The following JPH1 variants were observed in gnomAD, a reference collection of about 807,000 sequenced individuals.
The protein encoded by JPH1 is junctophilin 1.
Under a neutral mutation model 53.6 loss-of-function variants are expected in JPH1, and 12 were observed. The ratio of observed to expected loss-of-function variants is 0.22; its 90% CI spans 0.14 to 0.36. JPH1 has a LOEUF of 0.36. JPH1 is among the 10% of genes least tolerant of loss of function. The pLI is 1.00. For synonymous variants in JPH1, 375 were observed against 363.8 expected, an observed-to-expected ratio of 1.03 and a Z score of -0.35; for missense variants, 808 against 905.5, an observed-to-expected ratio of 0.89 and a Z score of 1.38.
At chr8:74,280,431 C>T (rs926110) in intron 2 of JPH1, among the ~76,000 whole-genome samples, 38,547 of 152,042 alleles carry the variant, frequency 0.25, 5,329 homozygotes, top group South Asian at 0.41. Flanking sequence ...CAAGAACTGG[C>T]CTACTCTTCA....
At chr8:74,263,352 C>T (rs753652731) in intron 2 of JPH1, among the ~76,000 whole-genome samples, 5 of 152,214 alleles carry the variant, frequency 3.3e-5, no homozygotes, top group Non-Finnish European at 5.9e-5. Flanking sequence ...GTTTACTGAT[C>T]TGACTCTTAA....
chr8:74,299,390 C>T (rs543220214), intron 2 of JPH1, among the ~76,000 whole-genome samples: 102 of 152,232 alleles, frequency 6.7e-4, no homozygotes, highest in Non-Finnish European at 1.0e-3. Flanking sequence ...GAACTATAAC[C>T]TAAATGGAGT....
intron 2 of JPH1, among the ~76,000 whole-genome samples, chr8:74,311,952 G>C (rs1300591713): frequency 1.3e-5 from 2 of 151,986 alleles, no homozygotes; most frequent in African/African-American, 4.8e-5. Flanking sequence ...CCAAGTCTTT[G>C]CTATTGTGAA....
Position 74,244,565 on chromosome 8 carries a change from G to A in JPH1, c.1869C>T (p.Asn623=), listed in dbSNP as rs376515924. The change falls in exon 4 of 6, where the codon AAC becomes AAT. Residue 623 remains asparagine (N), a synonymous_variant. Transcript: ENST00000342232. The part of the protein sequence containing the change: ...ELAIPKNPAS[N]DSCPALEKEA... ...CTTTTTCCAAAGCAGGGCATGAATC[G>A]TTGCTTGCTGGATTCTTTGGTATAG... The A allele has an allele frequency of 1.3e-5, 21 of 1,612,588 alleles. No individual in the cohort carries two copies. Among genetic ancestry groups the A allele is most frequent in the South Asian group, 5.5e-5 (5 of 90,770 alleles).
At chr8:74,304,794 T>C (rs1807786331) in intron 2 of JPH1, among the ~76,000 whole-genome samples, 1 of 152,220 alleles carries the variant, frequency 6.6e-6, no homozygotes, top group Non-Finnish European at 1.5e-5. Context: ...TCTGACACTC[T>C]ATTGCATTAA....
At chr8:74,280,578 C>T (rs1451811428) in intron 2 of JPH1, among the ~76,000 whole-genome samples, 1 of 151,990 alleles carries the variant, frequency 6.6e-6, no homozygotes, top group African/African-American at 2.4e-5. Flanking sequence ...AGGAACAGCA[C>T]AGAGAAAAGT....
intron 3 of JPH1, among the ~76,000 whole-genome samples, chr8:74,249,930 C>T (rs575049973): frequency 1.1e-4 from 17 of 152,284 alleles, no homozygotes; most frequent in Non-Finnish European, 2.2e-4. Context: ...CATGTGAAGA[C>T]AAAGCTCGTT....
intron 3 of JPH1, among the ~76,000 whole-genome samples, chr8:74,251,822 T>C (rs1806072294): frequency 6.6e-6 from 1 of 152,186 alleles, no homozygotes; most frequent in African/African-American, 2.4e-5. Context: ...AAAAAACTAC[T>C]TTCAAGTTCA....
intron 1 of JPH1, among the ~76,000 whole-genome samples, chr8:74,317,098 A>G (rs922209321): frequency 6.6e-6 from 1 of 152,170 alleles, no homozygotes; most frequent in Non-Finnish European, 1.5e-5. Context: ...GCACATATTC[A>G]TTTTCAAAAC....
chr8:74,285,220 C>A (rs1185543323), intron 2 of JPH1, among the ~76,000 whole-genome samples: 1 of 152,050 alleles, frequency 6.6e-6, no homozygotes, highest in South Asian at 2.1e-4. Context: ...TTGATCTAGA[C>A]CTGATTCTGC....
chr8:74,284,744 T>TC (rs1270712157), intron 2 of JPH1, among the ~76,000 whole-genome samples: 1 of 151,510 alleles, frequency 6.6e-6, no homozygotes, highest in Non-Finnish European at 1.5e-5. Context: ...TGTATATTAC[T>TC]ACTCTACTAG....
At chr8:74,314,031 C>T (rs1345415934) in intron 2 of JPH1, among the ~76,000 whole-genome samples, 1 of 152,156 alleles carries the variant, frequency 6.6e-6, no homozygotes, top group East Asian at 1.9e-4. Context: ...CCCACACATA[C>T]ACCCCACTTG....
intron 2 of JPH1, among the ~76,000 whole-genome samples, chr8:74,274,834 C>CG (rs1806802719): frequency 1.3e-5 from 2 of 152,218 alleles, no homozygotes; most frequent in South Asian, 4.2e-4. Flanking sequence ...TGCCTAAAGA[C>CG]CTAACACACA....
intron 2 of JPH1, among the ~76,000 whole-genome samples, chr8:74,269,604 C>A (rs973436778): frequency 9.8e-5 from 15 of 152,340 alleles, no homozygotes; most frequent in African/African-American, 3.6e-4. Flanking sequence ...TCTGGTTTTG[C>A]TCTTGAAACT....
At chr8:74,256,895 T>C (rs1227921851) in intron 3 of JPH1, among the ~76,000 whole-genome samples, 1 of 152,234 alleles carries the variant, frequency 6.6e-6, no homozygotes, top group Non-Finnish European at 1.5e-5. Context: ...AGGCATCTTT[T>C]ATTCCAGGGT....
At chr8:74,318,564 G>T (rs1808226310) in intron 1 of JPH1, among the ~76,000 whole-genome samples, 2 of 152,214 alleles carry the variant, frequency 1.3e-5, no homozygotes, top group South Asian at 2.1e-4. Context: ...TATTCAGGGG[G>T]TTTCTATTTC....
At position 74,245,138 on chromosome 8, in the gene JPH1, T is replaced by C; in HGVS notation, c.1296A>G (p.Val432=). 6.2e-7 allele frequency: 1 copy of C among 1,603,396 alleles called. No homozygotes were observed. Residue 432 remains valine (V), a synonymous_variant, in exon 4 of 6, where the codon GTA becomes GTG. Coordinates refer to ENST00000342232, the MANE Select transcript of JPH1 (RefSeq NM_020647.4). ...TTTCTTCTGGATTTTCTTTAGCATC[T>C]ACACCTTCCTGAAATCTCTGTTTGA... ...DYVKQRFQEG[V]DAKENPEEKV...
chr8:74,310,260 G>A (rs964968922), intron 2 of JPH1, among the ~76,000 whole-genome samples: 5 of 150,202 alleles, frequency 3.3e-5, no homozygotes, highest in Non-Finnish European at 7.4e-5. Context: ...GATATTTAGA[G>A]TTGCTCTTCC....
At chr8:74,253,445 G>T in intron 3 of JPH1, among the ~76,000 whole-genome samples, 2 of 151,900 alleles carry the variant, frequency 1.3e-5, no homozygotes, top group African/African-American at 2.4e-5. Flanking sequence ...AAGCAGGAAA[G>T]ATCTAAAATT....
Sources: allele counts gnomAD v4.1 joint callset (sites outside exome capture counted in the v4.1 genomes callset), GRCh38; gene constraint gnomAD v4.1.1; transcripts MANE v1.5; gene names NCBI Gene and HGNC (gene_info 2026-07-23, HGNC 2026-07-21).